Variants in KIAA1217 observed in about 807,000 individuals in gnomAD.
KIAA1217 encodes the protein KIAA1217.
A neutral mutation model predicts 163.9 loss-of-function variants in KIAA1217; 88 were observed. The observed-to-expected ratio is 0.54, with a 90% CI of 0.45 to 0.64. KIAA1217 has a LOEUF of 0.64. Ranked by LOEUF, KIAA1217 falls within the 30% of genes least tolerant of loss-of-function variation. The pLI, the probability that KIAA1217 is intolerant of heterozygous loss-of-function variation, is 0.00. For missense variants in KIAA1217, 2,372 were observed against 2,475.0 expected, an observed-to-expected ratio of 0.96 and a Z score of 0.88; for synonymous variants, 903 against 923.1, an observed-to-expected ratio of 0.98 and a Z score of 0.39.
intron 2 of KIAA1217, among the ~76,000 whole-genome samples, chr10:24,069,648 G>T (rs2061107834): frequency 6.6e-6 from 1 of 152,110 alleles, no homozygotes; most frequent in Non-Finnish European, 1.5e-5. Context: ...TTTTAATTTG[G>T]CTGGTTTTAC....
intron 2 of KIAA1217, among the ~76,000 whole-genome samples, chr10:24,227,434 CA>C (rs1407269665): frequency 1.3e-5 from 2 of 152,068 alleles, no homozygotes; most frequent in East Asian, 3.9e-4. Context: ...GTTGGGATTA[CA>C]GGTGTGAGCC....
intron 2 of KIAA1217, among the ~76,000 whole-genome samples, chr10:24,283,300 T>A (rs1157326703): frequency 6.6e-6 from 1 of 152,224 alleles, no homozygotes; most frequent in Non-Finnish European, 1.5e-5. Flanking sequence ...AGTGGCTTCT[T>A]CCACTTGGCA....
intron 1 of KIAA1217, among the ~76,000 whole-genome samples, chr10:23,987,619 GTGTGTA>G (rs879572582): frequency 0.023 from 1,773 of 75,562 alleles, 60 homozygotes; most frequent in Admixed American, 0.12. Context: ...GTGTGTGTGT[GTGTGTA>G]TGTGTACGTG....
At chr10:23,939,701 A>G (rs1843674885) in intron 1 of KIAA1217, among the ~76,000 whole-genome samples, 1 of 151,722 alleles carries the variant, frequency 6.6e-6, no homozygotes, top group Non-Finnish European at 1.5e-5. Context: ...AATTAGTGAT[A>G]AAACAAGTAG....
intron 1 of KIAA1217, among the ~76,000 whole-genome samples, chr10:23,781,040 C>T (rs1835236034): frequency 2.0e-5 from 3 of 152,080 alleles, no homozygotes; most frequent in Admixed American, 2.0e-4. Context: ...CATATCTTGG[C>T]CGTTGTTGAG....
At chr10:24,256,046 C>CAA (rs11358712) in intron 2 of KIAA1217, among the ~76,000 whole-genome samples, 206 of 79,062 alleles carry the variant, frequency 2.6e-3, no homozygotes, top group African/African-American at 9.0e-3. Flanking sequence ...CTCAGATGAC[C>CAA]AAAAAAAAAA....
chr10:24,470,225 A>G (rs1294217272), intron 5 of KIAA1217, among the ~76,000 whole-genome samples: 3 of 152,166 alleles, frequency 2.0e-5, no homozygotes, highest in Non-Finnish European at 2.9e-5. Context: ...TGAATTGTGA[A>G]GGCAGAGTGA....
intron 2 of KIAA1217, among the ~76,000 whole-genome samples, chr10:24,191,013 G>T (rs890960936): frequency 6.6e-6 from 1 of 152,022 alleles, no homozygotes; most frequent in African/African-American, 2.4e-5. Context: ...GGCCAACATG[G>T]TGCAACCCCA....
chr10:24,541,394 T>C (rs1181023821), intron 17 of KIAA1217, among the ~76,000 whole-genome samples: 1 of 151,996 alleles, frequency 6.6e-6, no homozygotes, highest in Non-Finnish European at 1.5e-5. Context: ...CTTTGCACAG[T>C]ATTTGCGTGT....
At chr10:24,496,987 G>A (rs1040325750) in intron 8 of KIAA1217, among the ~76,000 whole-genome samples, 3 of 152,222 alleles carry the variant, frequency 2.0e-5, no homozygotes, top group African/African-American at 7.2e-5. Flanking sequence ...CACTGGCAAT[G>A]AGCACGTGGA....
In KIAA1217 at chr10:23,992,351, T is replaced by C. The variant is rs967272210; in HGVS notation, c.-320-14874T>C. ...GTGAGGCTTGAACTTCTAGCAAAGA[T>C]ATCAGTGTTTCACGTGATGGATCCA... is the stretch of plus-strand genomic sequence containing the variant. On this transcript the variant is annotated intron_variant, in intron 1 of 18. Transcript: ENST00000376462. Among the ~76,000 whole-genome samples, 83 of 152,338 alleles carry C rather than the reference T, an allele frequency of 5.4e-4. 2 individuals carry two copies. Among genetic ancestry groups the C allele is most frequent in the Middle Eastern group, 3.4e-3 (1 of 294 alleles).
At chr10:23,992,529 AC>A (rs1233973453) in intron 1 of KIAA1217, among the ~76,000 whole-genome samples, 11 of 150,182 alleles carry the variant, frequency 7.3e-5, no homozygotes, top group African/African-American at 2.5e-4. Flanking sequence ...GAGGTTGAAG[AC>A]CCCCCAGGAT....
chr10:24,115,152 A>G (rs546250720), intron 2 of KIAA1217, among the ~76,000 whole-genome samples: 1 of 152,288 alleles, frequency 6.6e-6, no homozygotes, highest in Admixed American at 6.5e-5. Context: ...TTTCCTGTCC[A>G]TGAGACCAGA....
chr10:24,314,137 A>C (rs538902905), intron 2 of KIAA1217, among the ~76,000 whole-genome samples: 4 of 152,168 alleles, frequency 2.6e-5, no homozygotes, highest in Non-Finnish European at 5.9e-5. Context: ...ATCCTTACCA[A>C]GAGAGCTTCA....
intron 1 of KIAA1217, among the ~76,000 whole-genome samples, chr10:23,930,322 GA>G (rs1843207004): frequency 6.6e-6 from 1 of 151,998 alleles, no homozygotes; most frequent in South Asian, 2.1e-4. Context: ...TATATATACA[GA>G]AAAATGTCAA....
intron 1 of KIAA1217, among the ~76,000 whole-genome samples, chr10:23,859,440 C>T (rs1231409123): frequency 6.6e-6 from 1 of 152,140 alleles, no homozygotes; most frequent in East Asian, 1.9e-4. Context: ...ATTTTCTAAT[C>T]TAGGTTGAAA....
intron 2 of KIAA1217, among the ~76,000 whole-genome samples, chr10:24,358,992 G>GAGAT (rs1487188796): frequency 6.6e-6 from 1 of 151,734 alleles, no homozygotes; most frequent in Non-Finnish European, 1.5e-5. Context: ...ATCTGTGAAT[G>GAGAT]AGATCACAGT....
rs758909748 is a variant in KIAA1217, at chr10:24,524,642, A to G, written c.2776A>G (p.Thr926Ala). Residue 926 changes from threonine to alanine, a missense_variant, in exon 13 of 21, where the codon ACT becomes GCT. Transcript: ENST00000376454. ...AGCCGTCCCCCAGGAAGCAACCTCCACTCTGCAGATGTCGCAGGCTCCGCA... is the reference window on the plus strand; with the variant it reads ...AGCCGTCCCCCAGGAAGCAACCTCCGCTCTGCAGATGTCGCAGGCTCCGCA... ...SPAVPQEATS[T>A]LQMSQAPQSP... The G allele has an allele frequency of 6.2e-7, 1 of 1,613,964 alleles. No homozygotes were observed.
In KIAA1217 at chr10:24,268,281, G is replaced by A. The variant is rs1224517940; in HGVS notation, c.354+48372G>A. ...ATTTGAAATTCTTTTTAAATTAGGT[G>A]GGTGAATGGTGTAAAACTTCACTAT... On this transcript the variant is annotated intron_variant, in intron 2 of 20. Transcript: ENST00000376454. Among the ~76,000 whole-genome samples the A allele has an allele frequency of 2.0e-5, 3 of 152,100 alleles. No homozygotes were observed. In the East Asian group the frequency reaches 5.8e-4, roughly 29 times the overall value.
Sources: allele counts gnomAD v4.1 joint callset (sites outside exome capture counted in the v4.1 genomes callset), GRCh38; gene constraint gnomAD v4.1.1; transcripts MANE v1.5; gene names NCBI Gene and HGNC (gene_info 2026-07-23, HGNC 2026-07-21).